ARAP2: variants seen among roughly 807,000 people sequenced by gnomAD.
ARAP2 encodes the protein ArfGAP with RhoGAP domain, ankyrin repeat and PH domain 2, also known as arf-GAP with Rho-GAP domain, ANK repeat and PH domain-containing protein 2.
A neutral mutation model predicts 194.5 loss-of-function variants in ARAP2; 148 were observed. The observed-to-expected ratio is 0.76, with a 90% CI of 0.67 to 0.87. The LOEUF (loss-of-function observed/expected upper bound fraction) is 0.87, where lower values mean the gene tolerates loss of function less well. Among genes scored for constraint, ARAP2 ranks in the 40% least tolerant of loss-of-function variants. The probability of loss-of-function intolerance (pLI) is 0.00; values close to 1 mark genes in which losing one functional copy is unlikely to be tolerated. For synonymous variants in ARAP2, 695 were observed against 683.5 expected, an observed-to-expected ratio of 1.02 and a Z score of -0.26; for missense variants, 2,128 against 1,989.7, an observed-to-expected ratio of 1.07 and a Z score of -1.32.
rs1327871665 is a variant in ARAP2, at chr4:36,066,572, A to C, written c.*1335T>G. Reference sequence around the variant, plus strand: ...ATTGAAAAATAAAAAAGAAATGCTAAAAAAAAAAAACTTAGCTACATAATG... The same window carrying C: ...ATTGAAAAATAAAAAAGAAATGCTACAAAAAAAAAACTTAGCTACATAATG... On this transcript the variant is annotated 3_prime_UTR_variant, in exon 33 of 33. Transcript: ENST00000303965. 9 of 149,450 alleles carry C rather than the reference A, an allele frequency of 6.0e-5. No individual in the cohort carries two copies. 9.3% of individuals were successfully genotyped at this position (149,450 alleles called of 1,614,324 possible).
chr4:36,088,419 G>A (rs1712528047), intron 28 of ARAP2, among the ~76,000 whole-genome samples: 1 of 152,050 alleles, frequency 6.6e-6, no homozygotes, highest in Non-Finnish European at 1.5e-5. Context: ...AATCTGATGT[G>A]TTCCATCACA....
chr4:36,137,671 C>G (rs1727171223), intron 19 of ARAP2, among the ~76,000 whole-genome samples: 1 of 151,540 alleles, frequency 6.6e-6, no homozygotes, highest in East Asian at 2.0e-4. Context: ...GACTAGGAAA[C>G]TAAGAGCCAG....
At chr4:36,014,295 AAGAAGAGAAGGAAGGAAAGAAAGAAAGAG>A (rs1715246955) in intron 8 of ARAP2, among the ~76,000 whole-genome samples, 3 of 143,244 alleles carry the variant, frequency 2.1e-5, no homozygotes, top group African/African-American at 8.2e-5. Flanking sequence ...GAAAGAAAGA[AAGAAGAGAAGGAAGGAAAGAAAGAAAGAG>A]AGAAAGAAAG....
intron 7 of ARAP2, among the ~76,000 whole-genome samples, chr4:36,192,528 C>T (rs774641726): frequency 1.8e-4 from 27 of 152,236 alleles, no homozygotes; most frequent in Admixed American, 8.5e-4. Context: ...CTGTCTCACT[C>T]CTGAGTAGTT....
At chr4:36,151,125 A>G (rs766345685) in intron 15 of ARAP2, 81 bp from the exon 16 acceptor site, 11 of 1,178,688 alleles carry the variant, frequency 9.3e-6, no homozygotes, top group Non-Finnish European at 1.2e-5. Flanking sequence ...CTTCTAAATA[A>G]TGGCTGGATG....
intron 30 of ARAP2, 119 bp from the exon 31 acceptor site, chr4:36,080,398 T>C (rs1729248163): frequency 1.4e-6 from 1 of 733,776 alleles, no homozygotes; most frequent in African/African-American, 1.8e-5. Context: ...AATGACGTAA[T>C]GCAATCACAA....
chr4:36,093,895 A>G (rs1351713278), intron 27 of ARAP2, among the ~76,000 whole-genome samples: 1 of 152,168 alleles, frequency 6.6e-6, no homozygotes, highest in Non-Finnish European at 1.5e-5. Context: ...TTCTAAATGC[A>G]TGTTCTTTTC....
chr4:36,128,666 A>G lies in ARAP2; in HGVS notation c.3507T>C (p.Asp1169=). ...CAGCCCTCAATTTAAAGCTTCTTGC[A>G]TCCTTTTTGAAACTCTCCAGGAGTT... ...ISELLESFKK[D]ARSFKLRAGK... Residue 1169 remains aspartate, a synonymous_variant, in exon 21 of 33, where the codon GAT becomes GAC. Transcript: ENST00000303965. 6.2e-7 allele frequency: 1 copy of G among 1,612,940 alleles called. No homozygotes were observed. The highest frequency in any genetic ancestry group is 8.5e-7 in the Non-Finnish European group (1 of 1,179,432).
At chr4:36,236,672 A>G (rs1454046571) in intron 1 of ARAP2, among the ~76,000 whole-genome samples, 1 of 152,252 alleles carries the variant, frequency 6.6e-6, no homozygotes, top group Non-Finnish European at 1.5e-5. Flanking sequence ...ACAAATTTCC[A>G]TAACAATAAG....
chr4:36,177,339 T>C (rs1313787224), intron 9 of ARAP2, among the ~76,000 whole-genome samples: 2 of 152,178 alleles, frequency 1.3e-5, no homozygotes, highest in East Asian at 1.9e-4. Context: ...TGTGTGTGTA[T>C]ACATATATAC....
At chr4:36,200,485 C>T (rs761118196) in intron 6 of ARAP2, among the ~76,000 whole-genome samples, 92 of 152,236 alleles carry the variant, frequency 6.0e-4, no homozygotes, top group Non-Finnish European at 8.5e-4. Context: ...AAACTCCCAA[C>T]CTCAGGTGAT....
At position 36,218,403 on chromosome 4, in the gene ARAP2, A is replaced by G. The variant is rs75884632; in HGVS notation, c.906-3923T>C. The stretch of plus-strand genomic sequence containing the variant: ...GCACCTGTGACACAAGTTTACTTAT[A>G]TAACAACCCAGCACATGTACCCTAA... On this transcript the variant is annotated intron_variant, in intron 2 of 32. Coordinates refer to ENST00000303965, the MANE Select transcript of ARAP2 (RefSeq NM_015230.4). Among the ~76,000 whole-genome samples, 611 of 152,294 alleles carry G rather than the reference A, an allele frequency of 4.0e-3. 2 individuals are homozygous for G. Among genetic ancestry groups the G allele is most frequent in the African/African-American group, 0.014 (569 of 41,562 alleles).
rs1056404552 is a variant in ARAP2 at position 36,069,949 on chromosome 4, G to C, written c.4744-1671C>G. 2.0e-5 allele frequency among the ~76,000 whole-genome samples: 3 copies of C among 151,992 alleles called. No homozygotes were observed. The East Asian group carries it at 5.8e-4, about 29-fold the overall frequency. ...AGCACCTTTCCCCCCTCTCTCTCTT[G>C]CTTCTGCTCCAGCCATGTAAGATGT... On this transcript the variant is annotated intron_variant, in intron 32 of 32. Transcript: ENST00000303965.
chr4:36,186,793 C>T (rs952745984), intron 8 of ARAP2, among the ~76,000 whole-genome samples: 1 of 152,200 alleles, frequency 6.6e-6, no homozygotes, highest in South Asian at 2.1e-4. Flanking sequence ...AGTCTAATGC[C>T]TGACAATGTC....
At chr4:36,209,202 T>C (rs1746212558) in intron 6 of ARAP2, among the ~76,000 whole-genome samples, 1 of 152,178 alleles carries the variant, frequency 6.6e-6, no homozygotes, top group African/African-American at 2.4e-5. Context: ...AATGAAAGAT[T>C]CAAGAATATT....
At chr4:36,166,209 C>T (rs1195126642) in intron 10 of ARAP2, among the ~76,000 whole-genome samples, 1 of 151,970 alleles carries the variant, frequency 6.6e-6, no homozygotes, top group Non-Finnish European at 1.5e-5. Flanking sequence ...CCTTTAAAGG[C>T]CTAGAACAAT....
chr4:36,162,604 C>CTT (rs3055949), intron 11 of ARAP2, among the ~76,000 whole-genome samples: 32,532 of 142,390 alleles, frequency 0.23, 4,600 homozygotes, highest in South Asian at 0.32. Context: ...AAGTTCTTGT[C>CTT]TTTTTTTTTT....
intron 2 of ARAP2, among the ~76,000 whole-genome samples, chr4:36,219,878 C>T (rs1156579479): frequency 2.6e-5 from 4 of 151,976 alleles, no homozygotes; most frequent in Non-Finnish European, 5.9e-5. Flanking sequence ...CAAAGTTAAG[C>T]AAAATGAGCT....
intron 5 of ARAP2, among the ~76,000 whole-genome samples, chr4:36,023,895 A>T (rs906439691): frequency 2.6e-5 from 4 of 152,120 alleles, no homozygotes; most frequent in East Asian, 1.9e-4. Flanking sequence ...TAAAGATTTT[A>T]AAAAATGACG....
Sources: allele counts gnomAD v4.1 joint callset (sites outside exome capture counted in the v4.1 genomes callset), GRCh38; gene constraint gnomAD v4.1.1; transcripts MANE v1.5; gene names NCBI Gene and HGNC (gene_info 2026-07-23, HGNC 2026-07-21).